The following SYT6 variants were observed in gnomAD, a reference collection of about 807,000 sequenced individuals.
The protein encoded by SYT6 is synaptotagmin 6.
SYT6 carries 24 observed loss-of-function variants against 38.4 expected under a neutral mutation model. The ratio of observed to expected loss-of-function variants is 0.62; its 90% CI spans 0.45 to 0.88. The LOEUF (loss-of-function observed/expected upper bound fraction) is 0.88, where lower values mean the gene tolerates loss of function less well. SYT6 is among the 40% of genes least tolerant of loss of function. The probability of loss-of-function intolerance (pLI) is 0.00; values close to 1 mark genes in which losing one functional copy is unlikely to be tolerated. For missense variants in SYT6, 611 were observed against 621.0 expected (o/e 0.98, Z 0.17); for synonymous variants, 265 against 241.9 (o/e 1.10, Z -0.89).
At chr1:114,147,702 C>T (rs987821194) in intron 1 of SYT6, among the ~76,000 whole-genome samples, 2 of 152,214 alleles carry the variant, frequency 1.3e-5, no homozygotes, top group South Asian at 2.1e-4. Context: ...TTTCTAATTG[C>T]GTGACCTTGA....
At chr1:114,119,290 A>T (rs1677226915) in intron 3 of SYT6, among the ~76,000 whole-genome samples, 1 of 152,076 alleles carries the variant, frequency 6.6e-6, no homozygotes, top group South Asian at 2.1e-4. Context: ...CTTACTTTCC[A>T]ATTCCATCCC....
rs542760283 is a variant in SYT6, at chr1:114,099,366, C to T, written c.1193-101G>A. 16 of 1,231,390 alleles carry T rather than the reference C, an allele frequency of 1.3e-5. No homozygotes were observed. The East Asian group carries it at 2.4e-4, about 19-fold the overall frequency. 76.3% of individuals were successfully genotyped at this position (1,231,390 alleles called of 1,614,324 possible). A position where few individuals can be genotyped will look rare whatever the true frequency, so the allele number is the denominator to read the frequency against. ...GACCGAAGCCCTAGACCTACTGCTG[C>T]TCATCAGATGGTATCAGTGGGTTGT... On this transcript the variant is annotated intron_variant, in intron 4 of 7. Transcript: ENST00000610222.
intron 3 of SYT6, among the ~76,000 whole-genome samples, chr1:114,111,636 G>T (rs1157353496): frequency 1.3e-5 from 2 of 152,102 alleles, no homozygotes; most frequent in African/African-American, 4.8e-5. Context: ...GACTCCCTTG[G>T]TCTGGCCTGG....
At chr1:114,126,874 G>T (rs1044200004) in intron 3 of SYT6, among the ~76,000 whole-genome samples, 1 of 152,178 alleles carries the variant, frequency 6.6e-6, no homozygotes, top group Non-Finnish European at 1.5e-5. Flanking sequence ...TACCCTACAG[G>T]AAGCTGGCCT....
intron 3 of SYT6, among the ~76,000 whole-genome samples, chr1:114,111,507 T>C (rs1676675319): frequency 6.6e-6 from 1 of 152,204 alleles, no homozygotes; most frequent in African/African-American, 2.4e-5. Flanking sequence ...CCCACCTTCA[T>C]GACTTCATCT....
chr1:114,150,430 G>A (rs1278347158), intron 1 of SYT6, among the ~76,000 whole-genome samples: 2 of 152,132 alleles, frequency 1.3e-5, no homozygotes, highest in Non-Finnish European at 2.9e-5. Context: ...TCCTCAAAAA[G>A]GGCAAAATCT....
At chr1:114,108,404 A>T (rs1676459263) in intron 3 of SYT6, among the ~76,000 whole-genome samples, 1 of 152,196 alleles carries the variant, frequency 6.6e-6, no homozygotes, top group Admixed American at 6.5e-5. Flanking sequence ...CCCATGAAAG[A>T]GCAGTGAACC....
chr1:114,100,392 C>T (rs943010750), intron 4 of SYT6, among the ~76,000 whole-genome samples: 1 of 152,194 alleles, frequency 6.6e-6, no homozygotes, highest in Non-Finnish European at 1.5e-5. Flanking sequence ...ATCTCCTGGA[C>T]ATCGAGCACC....
chr1:114,118,943 G>C (rs1282577717), intron 3 of SYT6, among the ~76,000 whole-genome samples: 2 of 152,174 alleles, frequency 1.3e-5, no homozygotes, highest in Non-Finnish European at 2.9e-5. Context: ...ACCTGGGGTG[G>C]CTCCTATGTC....
intron 4 of SYT6, among the ~76,000 whole-genome samples, chr1:114,101,060 AT>A (rs146708184): frequency 3.3e-5 from 5 of 151,044 alleles, no homozygotes; most frequent in South Asian, 2.1e-4. Flanking sequence ...AGGCATATCC[AT>A]TTTTTTTTAA....
At chr1:114,131,587 T>A (rs1678157605) in intron 3 of SYT6, among the ~76,000 whole-genome samples, 1 of 152,202 alleles carries the variant, frequency 6.6e-6, no homozygotes, top group South Asian at 2.1e-4. Flanking sequence ...CTTGGGGACT[T>A]GGGGGCACAG....
chr1:114,143,996 G>GCTCTGAACTTCTATGC (rs1679028743), intron 1 of SYT6, among the ~76,000 whole-genome samples: 1 of 152,186 alleles, frequency 6.6e-6, no homozygotes. Flanking sequence ...AAGTTAGAAG[G>GCTCTGAACTTCTATGC]CTCTGAACCA....
chr1:114,112,619 T>C (rs527354546), intron 3 of SYT6, among the ~76,000 whole-genome samples: 4 of 152,188 alleles, frequency 2.6e-5, no homozygotes, highest in Non-Finnish European at 4.4e-5. Context: ...GAGATGGCAG[T>C]AATGCCTGGT....
At chr1:114,150,897 A>G (rs1488479859) in intron 1 of SYT6, among the ~76,000 whole-genome samples, 1 of 152,208 alleles carries the variant, frequency 6.6e-6, no homozygotes, top group Non-Finnish European at 1.5e-5. Flanking sequence ...TCTAGCCTAT[A>G]GAGGAGTCTC....
At chr1:114,129,574 T>C (rs1354180512) in intron 3 of SYT6, among the ~76,000 whole-genome samples, 1 of 100,696 alleles carries the variant, frequency 9.9e-6, no homozygotes, top group Non-Finnish European at 2.0e-5. Flanking sequence ...TTTTCTTTCT[T>C]TCTTTCTTTC....
intron 7 of SYT6, among the ~76,000 whole-genome samples, chr1:114,092,938 C>T (rs1218292505): frequency 6.6e-6 from 1 of 152,220 alleles, no homozygotes; most frequent in Non-Finnish European, 1.5e-5. Flanking sequence ...CCACTGCTCA[C>T]CCATCCTTGG....
Position 114,097,859 on chromosome 1 carries a change from G to T in SYT6, c.1383C>A (p.Ile461=). ...MDYDRVGHNE[I]IGVCRVGITA... Reference sequence around the variant, plus strand: ...TGATCCCCACACGACAGACTCCTATGATCTCATTGTGGCCCACTCTGAGGG... The same window carrying T: ...TGATCCCCACACGACAGACTCCTATTATCTCATTGTGGCCCACTCTGAGGG... Residue 461 remains isoleucine, a synonymous_variant, in exon 6 of 8, where the codon ATC becomes ATA. Coordinates refer to ENST00000610222, the MANE Select transcript of SYT6 (RefSeq NM_001253772.2). 1 of 1,614,204 alleles carries T rather than the reference G, an allele frequency of 6.2e-7. No individual in the cohort carries two copies.
intron 1 of SYT6, among the ~76,000 whole-genome samples, chr1:114,142,333 G>A (rs541180441): frequency 4.0e-4 from 61 of 152,330 alleles, no homozygotes; most frequent in Non-Finnish European, 7.9e-4. Context: ...CTCAGTGAAG[G>A]AAATAACTGC....
intron 3 of SYT6, among the ~76,000 whole-genome samples, chr1:114,109,446 G>A (rs572339126): frequency 8.9e-4 from 136 of 152,300 alleles, no homozygotes; most frequent in Admixed American, 1.8e-3. Flanking sequence ...GACTATGAAA[G>A]CTTAAGTACT....
Sources: gnomAD v4.1 joint callset for allele counts (sites outside exome capture counted in the v4.1 genomes callset) on GRCh38, gnomAD v4.1.1 for gene constraint, MANE v1.5 for transcripts, NCBI Gene and HGNC (gene_info 2026-07-23, HGNC 2026-07-21) for gene names.